ROBO2: variants seen among roughly 807,000 people sequenced by gnomAD.
ROBO2 encodes roundabout guidance receptor 2, also known as roundabout homolog 2.
In ROBO2, 53 loss-of-function variants were observed where a neutral mutation model predicts 160.8. That is an observed-to-expected ratio of 0.33 (90% confidence interval 0.26 to 0.41). The LOEUF (loss-of-function observed/expected upper bound fraction) is 0.41. ROBO2 is among the 10% of genes least tolerant of loss of function. The probability of loss-of-function intolerance (pLI) is 1.00; values close to 1 mark genes in which losing one functional copy is unlikely to be tolerated. For missense variants in ROBO2, 1,577 were observed against 1,722.4 expected (o/e 0.92, Z 1.49); for synonymous variants, 664 against 611.7 (o/e 1.09, Z -1.26).
chr3:76,561,495 T>G (rs2084183372), intron 2 of ROBO2, among the ~76,000 whole-genome samples: 1 of 152,202 alleles, frequency 6.6e-6, no homozygotes, highest in Admixed American at 6.5e-5. Context: ...TGCTGCTACT[T>G]TCTTGCCATA....
At chr3:77,403,952 G>A (rs1272706649) in intron 2 of ROBO2, among the ~76,000 whole-genome samples, 4 of 151,934 alleles carry the variant, frequency 2.6e-5, no homozygotes, top group Non-Finnish European at 4.4e-5. Flanking sequence ...CACTAGGCTC[G>A]AAAATGGTTG....
intron 2 of ROBO2, among the ~76,000 whole-genome samples, chr3:76,778,767 T>G (rs967850927): frequency 6.6e-6 from 1 of 151,108 alleles, no homozygotes; most frequent in Non-Finnish European, 1.5e-5. Context: ...AGTCCTCCAA[T>G]ATCACAGTTC....
intron 2 of ROBO2, among the ~76,000 whole-genome samples, chr3:77,464,631 G>A (rs1412928544): frequency 6.6e-6 from 1 of 152,112 alleles, no homozygotes; most frequent in Non-Finnish European, 1.5e-5. Flanking sequence ...TTTCAAAAGT[G>A]TTAGTTTGGA....
intron 2 of ROBO2, among the ~76,000 whole-genome samples, chr3:76,697,611 A>G (rs111524191): frequency 9.2e-5 from 14 of 152,224 alleles, no homozygotes; most frequent in African/African-American, 3.4e-4. Context: ...GCAACACTGC[A>G]CTCCAGCCTG....
At chr3:76,265,823 C>G (rs192378390) in intron 2 of ROBO2, among the ~76,000 whole-genome samples, 18 of 152,188 alleles carry the variant, frequency 1.2e-4, no homozygotes, top group African/African-American at 4.1e-4. Context: ...AAACAGTGAA[C>G]AGATTTGTCT....
intron 2 of ROBO2, among the ~76,000 whole-genome samples, chr3:76,345,262 G>A (rs2074455185): frequency 6.6e-6 from 1 of 151,796 alleles, no homozygotes; most frequent in Non-Finnish European, 1.5e-5. Flanking sequence ...CAAGTCATGG[G>A]AAAGGCCTCT....
chr3:77,599,344 T>C (rs949924465), intron 19 of ROBO2, among the ~76,000 whole-genome samples: 53 of 152,090 alleles, frequency 3.5e-4, no homozygotes, highest in Admixed American at 1.3e-3. Flanking sequence ...TAAAGGCAGA[T>C]TCACATGTAT....
chr3:76,640,311 G>T (rs2090589050), intron 2 of ROBO2, among the ~76,000 whole-genome samples: 2 of 152,130 alleles, frequency 1.3e-5, no homozygotes, highest in African/African-American at 4.8e-5. Flanking sequence ...GGAGCGGATT[G>T]CCTGAGGTCA....
chr3:76,152,890 T>C (rs1050180800), intron 2 of ROBO2, among the ~76,000 whole-genome samples: 1 of 152,154 alleles, frequency 6.6e-6, no homozygotes, highest in Admixed American at 6.6e-5. Flanking sequence ...CCAAAATCGA[T>C]GTCAATTACC....
chr3:76,248,771 A>G (rs992565799), intron 2 of ROBO2, among the ~76,000 whole-genome samples: 2 of 151,768 alleles, frequency 1.3e-5, no homozygotes, highest in African/African-American at 2.4e-5. Flanking sequence ...ACATTTTGTC[A>G]TAGTGTGTGC....
At chr3:76,434,222 G>T in intron 2 of ROBO2, 1 of 1,040,992 alleles carries the variant, frequency 9.6e-7, no homozygotes, top group Non-Finnish European at 1.5e-6. Context: ...ATGCAGAGAT[G>T]GTCCACACAG....
At chr3:76,716,279 A>C (rs1337854112) in intron 2 of ROBO2, among the ~76,000 whole-genome samples, 1 of 152,192 alleles carries the variant, frequency 6.6e-6, no homozygotes, top group Non-Finnish European at 1.5e-5. Context: ...TGGCCTTTAA[A>C]GCTGCTTAAC....
chr3:77,195,661 G>A (rs966383139), intron 2 of ROBO2, among the ~76,000 whole-genome samples: 4 of 152,090 alleles, frequency 2.6e-5, no homozygotes, highest in Admixed American at 1.3e-4. Context: ...TTTTTAGAAC[G>A]AAATATAAGC....
At chr3:77,004,353 A>G (rs763279570) in intron 2 of ROBO2, among the ~76,000 whole-genome samples, 4 of 152,204 alleles carry the variant, frequency 2.6e-5, no homozygotes, top group Non-Finnish European at 5.9e-5. Flanking sequence ...TCCATAGGCA[A>G]CAATGGCTTC....
chr3:76,790,356 C>T (rs576223304), intron 2 of ROBO2, among the ~76,000 whole-genome samples: 45 of 151,648 alleles, frequency 3.0e-4, no homozygotes, highest in Non-Finnish European at 5.2e-4. Flanking sequence ...TTGCAGAGTA[C>T]GTTTTCAGAA....
intron 2 of ROBO2, among the ~76,000 whole-genome samples, chr3:77,355,240 C>A (rs1256816798): frequency 2.1e-5 from 3 of 144,190 alleles, no homozygotes; most frequent in African/African-American, 7.8e-5. Context: ...CATCTGCATA[C>A]CCTAGGAGTT....
At chr3:76,866,362 A>G (rs1327635904) in intron 2 of ROBO2, among the ~76,000 whole-genome samples, 1 of 152,178 alleles carries the variant, frequency 6.6e-6, no homozygotes, top group Non-Finnish European at 1.5e-5. Flanking sequence ...TATCAATCAC[A>G]TAAAGTGTTT....
chr3:76,563,747 CAT>C (rs1184812571), intron 2 of ROBO2, among the ~76,000 whole-genome samples: 1 of 152,138 alleles, frequency 6.6e-6, no homozygotes, highest in African/African-American at 2.4e-5. Context: ...AATTTTTCCA[CAT>C]GACATAATAT....
chr3:77,444,682 C>T (rs1256383189), intron 2 of ROBO2, among the ~76,000 whole-genome samples: 1 of 151,942 alleles, frequency 6.6e-6, no homozygotes, highest in Non-Finnish European at 1.5e-5. Flanking sequence ...TGAAGGCTCT[C>T]AGTGGATGAC....
Sources: gnomAD v4.1 joint callset for allele counts (sites outside exome capture counted in the v4.1 genomes callset) on GRCh38, gnomAD v4.1.1 for gene constraint, MANE v1.5 for transcripts, NCBI Gene and HGNC (gene_info 2026-07-23, HGNC 2026-07-21) for gene names.